The following DOCK9 variants were observed in gnomAD, a reference collection of about 807,000 sequenced individuals.
DOCK9 encodes the protein dedicator of cytokinesis 9, also known as dedicator of cytokinesis protein 9.
In DOCK9, 89 loss-of-function variants were observed where a neutral mutation model predicts 263.3. The ratio of observed to expected loss-of-function variants is 0.34; its 90% CI spans 0.28 to 0.40. The LOEUF (loss-of-function observed/expected upper bound fraction) is 0.40. DOCK9 is among the 10% of genes least tolerant of loss of function. The pLI is 1.00. For missense variants in DOCK9, 2,140 were observed against 2,603.4 expected (o/e 0.82, Z 3.87); for synonymous variants, 976 against 973.1 (o/e 1.00, Z -0.06).
At chr13:98,920,355 G>A (rs2051735712) in intron 7 of DOCK9, among the ~76,000 whole-genome samples, 1 of 152,094 alleles carries the variant, frequency 6.6e-6, no homozygotes, top group East Asian at 1.9e-4. Context: ...ACCATTTGTT[G>A]GCACTGTTCT....
intron 1 of DOCK9, among the ~76,000 whole-genome samples, chr13:99,023,735 A>G (rs1385122958): frequency 6.6e-6 from 1 of 152,222 alleles, no homozygotes; most frequent in Non-Finnish European, 1.5e-5. Context: ...AAGACCAGAA[A>G]AACGAGGATG....
intron 1 of DOCK9, among the ~76,000 whole-genome samples, chr13:99,021,638 CAAAAAAAAAA>C (rs61660903): frequency 9.8e-6 from 1 of 101,582 alleles, no homozygotes; most frequent in Non-Finnish European, 2.0e-5. Context: ...GACTCTGTCT[CAAAAAAAAAA>C]AAAAAAAAAA....
chr13:98,825,291 C>T lies in DOCK9; in HGVS notation c.5024-787G>A, dbSNP rs1380731395. Among the ~76,000 whole-genome samples the T allele has an allele frequency of 6.6e-6, 1 of 152,202 alleles. No individual in the cohort carries two copies. Among genetic ancestry groups the T allele is most frequent in the Non-Finnish European group, 1.5e-5 (1 of 68,032 alleles). On this transcript the variant is annotated intron_variant, in intron 44 of 52. Transcript: ENST00000682017. The surrounding 1 kb of genome is among the most constrained non-coding windows in gnomAD (Gnocchi z 4.1). ...TGCAAAATGATCAAGTGAAGAAGGG[C>T]ATGAGATGTTCCACTACTCTATTTT...
chr13:99,068,517 GC>G (rs2041528489), intron 1 of DOCK9, among the ~76,000 whole-genome samples: 3 of 152,312 alleles, frequency 2.0e-5, no homozygotes, highest in Middle Eastern at 3.4e-3. Flanking sequence ...AGGAGGCGGA[GC>G]CTGCAGTGAG....
chr13:98,895,124 G>A (rs1381252794), intron 15 of DOCK9, among the ~76,000 whole-genome samples: 7 of 138,098 alleles, frequency 5.1e-5, no homozygotes, highest in Admixed American at 3.8e-4. Context: ...CCAGCCTGGC[G>A]ACAGAGCGAG....
intron 1 of DOCK9, among the ~76,000 whole-genome samples, chr13:99,035,741 A>T (rs767454259): frequency 1.3e-5 from 2 of 152,190 alleles, no homozygotes; most frequent in South Asian, 4.1e-4. Context: ...CCTAACTGTG[A>T]TGCTTTCTTT....
At chr13:98,881,358 T>C (rs1469454463) in intron 25 of DOCK9, among the ~76,000 whole-genome samples, 200 bp downstream of exon 25, 1 of 152,204 alleles carries the variant, frequency 6.6e-6, no homozygotes, top group Non-Finnish European at 1.5e-5. Context: ...ATTGAAGGAA[T>C]GGAATTAAGT....
At chr13:99,052,134 G>A (rs910421405) in intron 1 of DOCK9, among the ~76,000 whole-genome samples, 5 of 152,194 alleles carry the variant, frequency 3.3e-5, no homozygotes, top group Admixed American at 2.0e-4. Flanking sequence ...GACTATCAGA[G>A]CTGGGGGCTT....
intron 1 of DOCK9, among the ~76,000 whole-genome samples, chr13:98,966,180 C>T (rs1391017350): frequency 1.3e-5 from 2 of 152,224 alleles, no homozygotes; most frequent in Admixed American, 1.3e-4. Flanking sequence ...TCCTCCATGT[C>T]CTGTGCCCGG....
At chr13:99,081,062 T>C (rs1022405856) in intron 1 of DOCK9, among the ~76,000 whole-genome samples, 1 of 152,200 alleles carries the variant, frequency 6.6e-6, no homozygotes, top group Non-Finnish European at 1.5e-5. Flanking sequence ...AATGATATAG[T>C]CCAAGATGGG....
At chr13:99,015,299 A>G (rs560706378) in intron 1 of DOCK9, 429 of 591,594 alleles carry the variant, frequency 7.3e-4, no homozygotes, top group Non-Finnish European at 9.2e-4. Context: ...TCACTTCATA[A>G]TTTAAACTTA....
intron 1 of DOCK9, among the ~76,000 whole-genome samples, chr13:98,996,229 G>A (rs1370259207): frequency 6.6e-6 from 1 of 152,166 alleles, no homozygotes; most frequent in Non-Finnish European, 1.5e-5. Flanking sequence ...GCTGGCCAAG[G>A]ATGGAGCCCT....
chr13:98,831,603 G>T, intron 40 of DOCK9, 46 bp downstream of exon 40: 1 of 1,602,584 alleles, frequency 6.2e-7, no homozygotes, highest in Non-Finnish European at 8.5e-7. Flanking sequence ...CTTCAATTCC[G>T]GGGGAAGAAG....
At chr13:98,856,053 A>C in intron 33 of DOCK9, 22 bp from the exon 34 acceptor site, 1 of 1,612,968 alleles carries the variant, frequency 6.2e-7, no homozygotes. Context: ...TCAAGCCAAC[A>C]ATAAAGTTTT....
chr13:98,888,511 A>G lies in DOCK9; in HGVS notation c.1826T>C (p.Phe609Ser), dbSNP rs1477504243. 6.2e-7 allele frequency: 1 copy of G among 1,613,996 alleles called. No homozygotes were observed. The highest frequency in any genetic ancestry group is 1.1e-5 in the South Asian group (1 of 91,084). Residue 609 changes from phenylalanine to serine, a missense_variant, in exon 17 of 53, where the codon TTT becomes TCT. By Grantham distance (155) the Phe-to-Ser change is radical. This residue lies in a region of DOCK9 where 1,521 missense variants were observed against 1,741.7 expected (regional missense o/e 0.87). Coordinates refer to ENST00000682017, the MANE Select transcript of DOCK9 (RefSeq NM_001366683.2). ...GATGGGAGTTTTACTGCAGGTTTCA[A>G]ATTGTTTTGTGGGAATGTATGATGA... ...VNSSYIPTKQ[F>S]ETCSKTPITF... is the part of the protein sequence containing the mutation.
At position 98,797,097 on chromosome 13, in the gene DOCK9, A is replaced by T. The variant is rs748239509; in HGVS notation, c.6156+18T>A. 1 of 1,613,920 alleles carries T rather than the reference A, an allele frequency of 6.2e-7. No homozygotes were observed. Among genetic ancestry groups the T allele is most frequent in the East Asian group, 2.2e-5 (1 of 44,884 alleles). On this transcript the variant is annotated intron_variant, in intron 52 of 52. Coordinates refer to ENST00000682017, the MANE Select transcript of DOCK9 (RefSeq NM_001366683.2). ...CTAACCAAGAACTCCAAGTTGTTGG[A>T]GCCAGTGCGGCCCTCACCTGCTCAT... is the stretch of plus-strand genomic sequence containing the variant.
intron 1 of DOCK9, among the ~76,000 whole-genome samples, chr13:98,970,824 G>C (rs1014361077): frequency 6.6e-6 from 1 of 152,088 alleles, no homozygotes; most frequent in Non-Finnish European, 1.5e-5. Context: ...GCTATCTGTA[G>C]GCTGGAGCTA....
At chr13:99,017,980 C>A (rs1885632175) in intron 1 of DOCK9, among the ~76,000 whole-genome samples, 1 of 151,900 alleles carries the variant, frequency 6.6e-6, no homozygotes, top group Admixed American at 6.6e-5. Flanking sequence ...ATATTGTATA[C>A]CTTAAATTTA....
intron 1 of DOCK9, among the ~76,000 whole-genome samples, chr13:99,069,660 C>T (rs2041583664): frequency 6.6e-6 from 1 of 152,210 alleles, no homozygotes; most frequent in Admixed American, 6.5e-5. Flanking sequence ...AATTAGGAAG[C>T]TGGACCAGAT....
Sources: allele counts gnomAD v4.1 joint callset (sites outside exome capture counted in the v4.1 genomes callset), GRCh38; gene constraint gnomAD v4.1.1; regional missense constraint gnomAD v4.1.1; non-coding constraint Gnocchi (gnomAD v3.1); transcripts MANE v1.5; gene names NCBI Gene and HGNC (gene_info 2026-07-23, HGNC 2026-07-21).